Variants in GTPBP6 observed in about 807,000 individuals in gnomAD.
The protein encoded by GTPBP6 is putative GTP-binding protein 6.
A neutral mutation model predicts 28.9 loss-of-function variants in GTPBP6; 33 were observed. That is an observed-to-expected ratio of 1.14 (90% confidence interval 0.87 to 1.53). The LOEUF (loss-of-function observed/expected upper bound fraction) is 1.53, where lower values mean the gene tolerates loss of function less well. GTPBP6 is among the 40% of genes most tolerant of loss of function. The pLI, the probability that GTPBP6 is intolerant of heterozygous loss-of-function variation, is 0.00. For missense variants in GTPBP6, 507 were observed against 408.3 expected (o/e 1.24, Z -2.08); for synonymous variants, 231 against 192.7 (o/e 1.20, Z -1.65).
intron 2 of GTPBP6, among the ~76,000 whole-genome samples, chrX:316,152 A>C (rs2070434661): frequency 5.2e-5 from 4 of 76,798 alleles, no homozygotes; most frequent in African/African-American, 2.2e-4. Context: ...CACACAGTAA[A>C]TACATCCCGA....
chrX:312,851 C>G, exon 6 of GTPBP6: 1 of 1,612,940 alleles, frequency 6.2e-7, no homozygotes, highest in Non-Finnish European at 8.5e-7. Flanking sequence ...TCTTGCGAAG[C>G]CTGTCCAAGG....
At chrX:312,852 C>T in exon 6 of GTPBP6, 1 of 1,612,896 alleles carries the variant, frequency 6.2e-7, no homozygotes, top group Admixed American at 1.7e-5. Flanking sequence ...CTTGCGAAGC[C>T]TGTCCAAGGC....
rs1488612687 is a variant in GTPBP6 at position 311,715 on chromosome X, G to A, written c.917-88C>T. ...GCCAGGCCCTCCAAATGGAGACCAC[G>A]GCACCCTCTGGGGGGCCGCACCCCG... On this transcript the variant is annotated intron_variant, in intron 6 of 9. Transcript: ENST00000326153. 21 of 1,100,264 alleles carry A rather than the reference G, an allele frequency of 1.9e-5. 1 individual carries two copies. In the Middle Eastern group the frequency reaches 1.7e-3, roughly 91 times the overall value. The allele number at this position is 1,100,264 out of a possible 1,614,324, so 68.2% of individuals were successfully genotyped here.
chrX:310,880 C>T (rs1392923238), intron 7 of GTPBP6, among the ~76,000 whole-genome samples: 1 of 152,052 alleles, frequency 6.6e-6, no homozygotes, highest in African/African-American at 2.4e-5. Context: ...TTCATCGATC[C>T]TCAGGCATCA....
chrX:305,103 C>G (rs774724744), exon 10 of GTPBP6: 4 of 1,613,340 alleles, frequency 2.5e-6, no homozygotes, highest in Middle Eastern at 1.7e-4. Context: ...CGGAATTTGC[C>G]GTAGGCTGAG....
At chrX:316,742 C>A (rs1406509919) in intron 2 of GTPBP6, among the ~76,000 whole-genome samples, 172 bp downstream of exon 2, 1 of 152,110 alleles carries the variant, frequency 6.6e-6, no homozygotes, top group Non-Finnish European at 1.5e-5. Flanking sequence ...AAAGCCTCAC[C>A]GTCCTCCGAC....
Position 316,913 on chromosome X carries a change from C to T in GTPBP6, c.487+1G>A, listed in dbSNP as rs1293379289. 1 of 398,524 alleles carries T rather than the reference C, an allele frequency of 2.5e-6. No homozygotes were observed. Among genetic ancestry groups the T allele is most frequent in the African/African-American group, 2.1e-5 (1 of 48,638 alleles). 24.7% of individuals were successfully genotyped at this position (398,524 alleles called of 1,614,324 possible). ...GAAGGAGCAGGTCTGGACGGACCCA[C>T]CTGTCAGGTGCTCAAAGTTCCCTTT... On this transcript the variant is annotated splice_donor_variant, in intron 2 of 9. Coordinates refer to ENST00000326153, the Ensembl canonical transcript of GTPBP6. LOFTEE classifies it high-confidence loss of function.
At chrX:314,718 C>T (rs1196930438) in intron 4 of GTPBP6, among the ~76,000 whole-genome samples, 172 bp downstream of exon 4, 35 of 151,962 alleles carry the variant, frequency 2.3e-4, no homozygotes, top group Non-Finnish European at 3.4e-4. Flanking sequence ...CCTCGTGATC[C>T]GCCCACCTCG....
intron 9 of GTPBP6, among the ~76,000 whole-genome samples, chrX:306,879 A>G (rs111653681): frequency 0.084 from 6,604 of 78,914 alleles, 546 homozygotes; most frequent in South Asian, 0.21. Flanking sequence ...GTATGCAGTC[A>G]GAAATGTACA....
chrX:307,408 C>A (rs761491195), exon 9 of GTPBP6: 1 of 1,612,694 alleles, frequency 6.2e-7, no homozygotes, highest in Admixed American at 1.7e-5. Flanking sequence ...GATCTGTCTC[C>A]CCGTCGCCTT....
At position 307,892 on chromosome X, in the gene GTPBP6, G is replaced by A; in HGVS notation, c.1126-12C>T. 2 of 1,508,930 alleles carry A rather than the reference G, an allele frequency of 1.3e-6. No individual in the cohort carries two copies. The highest frequency in any genetic ancestry group is 1.3e-5 in the South Asian group (1 of 74,178). 93.5% of individuals were successfully genotyped at this position (1,508,930 alleles called of 1,614,324 possible). On this transcript the variant is annotated splice_polypyrimidine_tract_variant and intron_variant, in intron 7 of 9. Coordinates refer to ENST00000326153, the Ensembl canonical transcript of GTPBP6. The stretch of plus-strand genomic sequence containing the variant: ...TGCAAGATGAGATCCTGTGGGCCGG[G>A]CCGTGGGGTCAGAGCTGCGGAGCCT...
At chrX:318,411 T>C (rs1192675709) in intron 1 of GTPBP6, 28 bp downstream of exon 1, 3 of 398,358 alleles carry the variant, frequency 7.5e-6, no homozygotes, top group Non-Finnish European at 1.3e-5. Context: ...AGCTCCTGTT[T>C]CTCCCCCGAA....
intron 6 of GTPBP6, 92 bp from the exon 7 acceptor site, chrX:311,719 C>A: frequency 5.6e-6 from 6 of 1,071,458 alleles, no homozygotes; most frequent in Non-Finnish European, 8.6e-6. Context: ...GACCACGGCA[C>A]CCTCTGGGGG....
rs112894986 is a variant in GTPBP6 at position 307,782 on chromosome X, C to T, written c.1224G>A (p.Pro408=). ...GAACCTCCACCATGGAGTCCAGGAG[C>T]GGGGCGGGCAGCTGCAGGCCACGCA... The change falls in exon 8 of 10, where the codon CCG becomes CCA. Residue 408 remains proline, a synonymous_variant. Coordinates refer to ENST00000326153, the Ensembl canonical transcript of GTPBP6. The T allele has an allele frequency of 1.2e-3, 1,838 of 1,537,988 alleles. 15 individuals are homozygous for T. The African/African-American group carries it at 0.022, about 19-fold the overall frequency.
intron 6 of GTPBP6, chrX:312,443 C>G (rs1238958585): frequency 1.8e-6 from 1 of 563,600 alleles, no homozygotes; most frequent in Non-Finnish European, 3.4e-6. Context: ...ATGGTCTAGA[C>G]AGGAGGATGG....
At chrX:314,369 T>C in intron 4 of GTPBP6, 152 bp from the exon 5 acceptor site, 1 of 710,770 alleles carries the variant, frequency 1.4e-6, no homozygotes. Context: ...GCTCACACAC[T>C]GTGAGTGACG....
Position 314,318 on chromosome X carries a change from C to A in GTPBP6, c.690-101G>T, listed in dbSNP as rs2070383361. On this transcript the variant is annotated intron_variant, in intron 4 of 9. Coordinates refer to ENST00000326153, the Ensembl canonical transcript of GTPBP6. ...GGGGGCACTGAGCTGGGCCTCTGGG[C>A]CGAAGGGAGGAGCCGCTGTTGCGGC... 1.9e-5 allele frequency: 18 copies of A among 970,258 alleles called. No individual in the cohort carries two copies. The East Asian group carries it at 4.5e-4, about 24-fold the overall frequency. The allele number at this position is 970,258 out of a possible 1,614,324, so 60.1% of individuals were successfully genotyped here.
chrX:307,968 G>C, intron 7 of GTPBP6, 88 bp from the exon 8 acceptor site: 1 of 1,207,678 alleles, frequency 8.3e-7, no homozygotes, highest in Non-Finnish European at 1.1e-6. Flanking sequence ...GGGCTCACAC[G>C]AGCTCCCAAC....
intron 1 of GTPBP6, among the ~76,000 whole-genome samples, chrX:317,274 C>G (rs1211756523): frequency 4.6e-5 from 7 of 152,122 alleles, no homozygotes; most frequent in African/African-American, 1.7e-4. Flanking sequence ...GCGACCCTGC[C>G]TTACATGGAA....
Sources: gnomAD v4.1 joint callset for allele counts (sites outside exome capture counted in the v4.1 genomes callset) on GRCh38, gnomAD v4.1.1 for gene constraint, MANE v1.5 for transcripts, NCBI Gene and HGNC (gene_info 2026-07-23, HGNC 2026-07-21) for gene names.